Variants in MACROD2 observed in about 807,000 individuals in gnomAD.
The protein encoded by MACROD2 is mono-ADP ribosylhydrolase 2.
A neutral mutation model predicts 70.4 loss-of-function variants in MACROD2; 36 were observed. The observed-to-expected ratio is 0.51, with a 90% CI of 0.39 to 0.68. The LOEUF (loss-of-function observed/expected upper bound fraction) is 0.68. Ranked by LOEUF, MACROD2 falls within the 30% of genes least tolerant of loss-of-function variation. The pLI is 0.00. For synonymous variants in MACROD2, 172 were observed against 178.8 expected, an observed-to-expected ratio of 0.96 and a Z score of 0.30; for missense variants, 496 against 538.4, an observed-to-expected ratio of 0.92 and a Z score of 0.78.
At chr20:15,439,921 C>T (rs1012415336) in intron 7 of MACROD2, among the ~76,000 whole-genome samples, 4 of 152,130 alleles carry the variant, frequency 2.6e-5, no homozygotes, top group Non-Finnish European at 5.9e-5. Context: ...TAAAATTTTG[C>T]ACTGGCCTCT....
At chr20:15,722,818 G>T (rs908435724) in intron 8 of MACROD2, among the ~76,000 whole-genome samples, 6 of 151,966 alleles carry the variant, frequency 3.9e-5, no homozygotes, top group African/African-American at 1.4e-4. Context: ...AAGTCATGAG[G>T]CTATCATTTT....
chr20:15,902,759 G>T (rs1401867805), intron 10 of MACROD2, among the ~76,000 whole-genome samples: 1 of 152,080 alleles, frequency 6.6e-6, no homozygotes, highest in African/African-American at 2.4e-5. Flanking sequence ...TGAGTGAACC[G>T]TCTTGGAGTC....
At chr20:14,364,573 A>C (rs900974696) in intron 3 of MACROD2, among the ~76,000 whole-genome samples, 7 of 152,292 alleles carry the variant, frequency 4.6e-5, no homozygotes, top group African/African-American at 1.7e-4. Context: ...AGGAAATTGC[A>C]TACCCATTAA....
intron 8 of MACROD2, among the ~76,000 whole-genome samples, chr20:15,697,708 A>C (rs567254513): frequency 6.6e-6 from 1 of 152,264 alleles, no homozygotes; most frequent in African/African-American, 2.4e-5. Context: ...TAGGTCTATT[A>C]GTAATCGTTT....
chr20:15,645,341 T>C (rs764484799), intron 8 of MACROD2, among the ~76,000 whole-genome samples: 21 of 152,204 alleles, frequency 1.4e-4, no homozygotes, highest in Non-Finnish European at 1.9e-4. Flanking sequence ...TTTCCGTAAC[T>C]GTTTACATAC....
At chr20:15,763,450 C>CCA (rs1182022820) in intron 8 of MACROD2, among the ~76,000 whole-genome samples, 1 of 152,132 alleles carries the variant, frequency 6.6e-6, no homozygotes, top group Non-Finnish European at 1.5e-5. Flanking sequence ...TATATATTCA[C>CCA]CACACACACA....
At chr20:15,484,631 G>A (rs970372425) in intron 7 of MACROD2, among the ~76,000 whole-genome samples, 19 of 152,306 alleles carry the variant, frequency 1.2e-4, no homozygotes, top group African/African-American at 4.6e-4. Context: ...GCTGTGGCAT[G>A]TTTCAAGATG....
chr20:14,494,182 A>T (rs1373276004), intron 4 of MACROD2: 1 of 152,062 alleles, frequency 6.6e-6, no homozygotes, highest in East Asian at 1.9e-4. Flanking sequence ...GTAGGAGAGA[A>T]AAAAGTATAC....
At chr20:15,935,442 A>G (rs1275626993) in intron 11 of MACROD2, among the ~76,000 whole-genome samples, 1 of 152,224 alleles carries the variant, frequency 6.6e-6, no homozygotes, top group Non-Finnish European at 1.5e-5. Flanking sequence ...AGCTCAGAGA[A>G]ATCGAAGATG....
At chr20:14,572,973 C>A (rs1466502179) in intron 4 of MACROD2, among the ~76,000 whole-genome samples, 1 of 151,426 alleles carries the variant, frequency 6.6e-6, no homozygotes, top group African/African-American at 2.4e-5. Flanking sequence ...TTTACATGCA[C>A]CTACTTGAGA....
At chr20:15,149,705 G>A (rs998316212) in intron 5 of MACROD2, among the ~76,000 whole-genome samples, 3 of 152,070 alleles carry the variant, frequency 2.0e-5, no homozygotes, top group African/African-American at 7.3e-5. Context: ...GCTGCTGCAC[G>A]GAGACATGAT....
chr20:14,836,593 T>C (rs2073032676), intron 5 of MACROD2, among the ~76,000 whole-genome samples: 1 of 152,078 alleles, frequency 6.6e-6, no homozygotes, highest in Non-Finnish European at 1.5e-5. Context: ...AATTAAAATG[T>C]CTAAAATTAT....
rs193062074 is a variant in MACROD2 at position 15,814,631 on chromosome 20, A to C, written c.646-48114A>C. 4.9e-3 allele frequency among the ~76,000 whole-genome samples: 754 copies of C among 152,352 alleles called. 5 individuals are homozygous for C. The highest frequency in any genetic ancestry group is 6.9e-3 in the Non-Finnish European group (470 of 68,032). ...CTATGCCCCTGGTGGAACACAAATA[A>C]GATAACTACTATTTCTGTTCATAAC... On this transcript the variant is annotated intron_variant, in intron 8 of 17. Coordinates refer to ENST00000684519, the MANE Select transcript of MACROD2 (RefSeq NM_001351661.2).
At chr20:15,217,836 C>G (rs1422312718) in intron 5 of MACROD2, among the ~76,000 whole-genome samples, 1 of 152,038 alleles carries the variant, frequency 6.6e-6, no homozygotes, top group Non-Finnish European at 1.5e-5. Context: ...TTCTTGGCAT[C>G]TGAATTACTG....
At chr20:14,637,201 G>A (rs1349308240) in intron 4 of MACROD2, among the ~76,000 whole-genome samples, 2 of 152,056 alleles carry the variant, frequency 1.3e-5, no homozygotes, top group African/African-American at 4.8e-5. Flanking sequence ...TTCTATACTG[G>A]TTTGAAGTCC....
chr20:15,058,085 G>A (rs1225718421), intron 5 of MACROD2, among the ~76,000 whole-genome samples: 1 of 152,052 alleles, frequency 6.6e-6, no homozygotes, highest in Non-Finnish European at 1.5e-5. Flanking sequence ...CTTGTCTGAG[G>A]CCTGCTATGG....
intron 3 of MACROD2, among the ~76,000 whole-genome samples, chr20:14,444,887 TAGAG>T (rs1361233462): frequency 6.6e-6 from 1 of 151,640 alleles, no homozygotes; most frequent in Non-Finnish European, 1.5e-5. Context: ...TATATATATG[TAGAG>T]AGAGAGAGTT....
At chr20:15,719,123 C>T (rs1330303388) in intron 8 of MACROD2, among the ~76,000 whole-genome samples, 1 of 152,124 alleles carries the variant, frequency 6.6e-6, no homozygotes, top group Non-Finnish European at 1.5e-5. Flanking sequence ...ACTGCTTACT[C>T]ACGAATGCTA....
At chr20:15,990,644 C>A (rs2066545360) in intron 15 of MACROD2, among the ~76,000 whole-genome samples, 1 of 152,124 alleles carries the variant, frequency 6.6e-6, no homozygotes, top group Admixed American at 6.6e-5. Flanking sequence ...TGCATATGGG[C>A]AGGCATGCAA....
Sources: allele counts gnomAD v4.1 joint callset (sites outside exome capture counted in the v4.1 genomes callset), GRCh38; gene constraint gnomAD v4.1.1; transcripts MANE v1.5; gene names NCBI Gene and HGNC (gene_info 2026-07-23, HGNC 2026-07-21).